TRDN: variants seen among roughly 807,000 people sequenced by gnomAD.
TRDN encodes triadin in skeletal muscle.
TRDN carries 161 observed loss-of-function variants against 149.7 expected under a neutral mutation model. The ratio of observed to expected loss-of-function variants is 1.08; its 90% CI spans 0.95 to 1.23. TRDN has a LOEUF of 1.23. Among genes scored for constraint, TRDN ranks in the 50% most tolerant of loss-of-function variants. TRDN has a pLI of 0.00. For missense variants in TRDN, 896 were observed against 823.5 expected, an observed-to-expected ratio of 1.09 and a Z score of -1.08; for synonymous variants, 294 against 250.5, an observed-to-expected ratio of 1.17 and a Z score of -1.64.
chr6:123,366,204 G>C (rs755933207), intron 19 of TRDN, 22 bp from the exon 20 acceptor site: 44 of 1,610,414 alleles, frequency 2.7e-5, no homozygotes, highest in Non-Finnish European at 3.7e-5. Flanking sequence ...GATATTAAAG[G>C]AATGAGAAGT....
In TRDN at chr6:123,273,430, A is replaced by C. The variant is rs556911205; in HGVS notation, c.1598-67T>G. 260 of 756,714 alleles carry C rather than the reference A, an allele frequency of 3.4e-4. 1 individual carries two copies. The highest frequency in any genetic ancestry group is 3.8e-4 in the Non-Finnish European group (211 of 548,418). 46.9% of individuals were successfully genotyped at this position (756,714 alleles called of 1,614,324 possible). On this transcript the variant is annotated intron_variant, in intron 27 of 40. Coordinates refer to ENST00000334268, the MANE Select transcript of TRDN (RefSeq NM_006073.4). ...AATGGAGTATTTAACAATAACAAAT[A>C]CAACTGGTTATTGTAAATAGAACTA...
intron 38 of TRDN, among the ~76,000 whole-genome samples, chr6:123,227,974 T>C (rs1469267587): frequency 6.6e-6 from 1 of 150,940 alleles, no homozygotes; most frequent in Non-Finnish European, 1.5e-5. Context: ...TGAAAGAGTG[T>C]TGAAATTTAT....
At chr6:123,236,406 T>C (rs535832265) in intron 38 of TRDN, among the ~76,000 whole-genome samples, 2 of 152,296 alleles carry the variant, frequency 1.3e-5, no homozygotes, top group Non-Finnish European at 2.9e-5. Flanking sequence ...ACAAGGCCTT[T>C]GTTGGATATG....
At chr6:123,303,348 G>C (rs1281562915) in intron 24 of TRDN, among the ~76,000 whole-genome samples, 1 of 152,104 alleles carries the variant, frequency 6.6e-6, no homozygotes, top group African/African-American at 2.4e-5. Flanking sequence ...TGTGGCTATA[G>C]TGGCTTTTGA....
At chr6:123,494,803 G>A (rs1039763677) in intron 9 of TRDN, among the ~76,000 whole-genome samples, 4 of 151,890 alleles carry the variant, frequency 2.6e-5, no homozygotes, top group Admixed American at 1.3e-4. Flanking sequence ...GCGAGATCTC[G>A]GCTCACTGCA....
chr6:123,318,321 G>C (rs934382930), intron 23 of TRDN, among the ~76,000 whole-genome samples: 33 of 151,858 alleles, frequency 2.2e-4, no homozygotes, highest in African/African-American at 7.0e-4. Context: ...CTCAAGTGCT[G>C]GTCAATTATT....
At chr6:123,440,690 G>A (rs1030116437) in intron 10 of TRDN, among the ~76,000 whole-genome samples, 8 of 152,132 alleles carry the variant, frequency 5.3e-5, no homozygotes, top group South Asian at 2.1e-4. Context: ...AGTTTCATAA[G>A]GTTGATGAAT....
intron 21 of TRDN, among the ~76,000 whole-genome samples, chr6:123,342,993 A>C (rs765184145): frequency 8.5e-5 from 13 of 152,108 alleles, no homozygotes; most frequent in Non-Finnish European, 1.9e-4. Flanking sequence ...ACTTATTGTC[A>C]AATCTTTACA....
intron 12 of TRDN, among the ~76,000 whole-genome samples, chr6:123,436,502 A>G (rs958865349): frequency 6.6e-6 from 1 of 152,078 alleles, no homozygotes; most frequent in South Asian, 2.1e-4. Context: ...CATTTATAGC[A>G]TGATGCCAGA....
chr6:123,614,163 T>C (rs1397477108), intron 1 of TRDN, among the ~76,000 whole-genome samples: 1 of 151,868 alleles, frequency 6.6e-6, no homozygotes, highest in Non-Finnish European at 1.5e-5. Flanking sequence ...GACAAGATCC[T>C]CAAGTGATTC....
intron 9 of TRDN, among the ~76,000 whole-genome samples, chr6:123,485,553 A>G (rs2185161): frequency 0.094 from 14,372 of 152,182 alleles, 946 homozygotes; most frequent in South Asian, 0.19. Context: ...TTCTAGGGAG[A>G]GAATAATAAT....
intron 12 of TRDN, among the ~76,000 whole-genome samples, chr6:123,404,462 T>A (rs1773110992): frequency 6.6e-6 from 1 of 152,170 alleles, no homozygotes; most frequent in East Asian, 1.9e-4. Context: ...ATTTTTTGTT[T>A]TTTTGTGTTT....
chr6:123,367,293 C>T (rs1042090312), intron 19 of TRDN, among the ~76,000 whole-genome samples: 1 of 151,996 alleles, frequency 6.6e-6, no homozygotes, highest in Non-Finnish European at 1.5e-5. Context: ...GGTTGTTCCC[C>T]TTGGTCATAT....
intron 10 of TRDN, 92 bp from the exon 11 acceptor site, chr6:123,439,095 T>C: frequency 1.1e-6 from 1 of 932,110 alleles, no homozygotes; most frequent in Non-Finnish European, 1.6e-6. Context: ...AAGTCAGTTC[T>C]GCCTCCAGCT....
intron 24 of TRDN, among the ~76,000 whole-genome samples, chr6:123,311,699 CA>C (rs1455446089): frequency 1.1e-4 from 16 of 151,846 alleles, no homozygotes; most frequent in Admixed American, 1.1e-3. Context: ...AGACTTTTGA[CA>C]GAGAGAATAT....
intron 19 of TRDN, 111 bp from the exon 20 acceptor site, chr6:123,366,293 C>A: frequency 2.1e-6 from 2 of 972,988 alleles, no homozygotes; most frequent in Non-Finnish European, 1.5e-6. Context: ...CACATGAGAG[C>A]AAAGCAAGCT....
rs1775260622 is a variant in TRDN at position 123,224,013 on chromosome 6, G to T, written c.2014+80C>A. 3 of 1,172,666 alleles carry T rather than the reference G, an allele frequency of 2.6e-6. No individual in the cohort carries two copies. In the East Asian group the frequency reaches 7.5e-5, roughly 29 times the overall value. The allele number at this position is 1,172,666 out of a possible 1,614,324, so 72.6% of individuals were successfully genotyped here. On this transcript the variant is annotated intron_variant, in intron 39 of 40. Transcript: ENST00000334268. Reference sequence around the variant, plus strand: ...CTTAAGACTAGATCAAGAATAGCTAGGAAAAAAAAAAAAAAGACAGACAAA... The same window carrying T: ...CTTAAGACTAGATCAAGAATAGCTATGAAAAAAAAAAAAAAGACAGACAAA...
At chr6:123,573,678 A>G (rs1445015336) in intron 1 of TRDN, among the ~76,000 whole-genome samples, 1 of 152,092 alleles carries the variant, frequency 6.6e-6, no homozygotes, top group African/African-American at 2.4e-5. Context: ...AACATACAGT[A>G]TAATTTATCC....
In TRDN at chr6:123,597,772, G is replaced by A. The variant is rs188323014; in HGVS notation, c.23-26640C>T. Among the ~76,000 whole-genome samples, 905 of 152,162 alleles carry A rather than the reference G, an allele frequency of 5.9e-3. 6 individuals carry two copies. Among genetic ancestry groups the A allele is most frequent in the Middle Eastern group, 0.01 (3 of 294 alleles). ...AGAAATAAAGTATTTTTAAATTAAAGTGTGTATATATTTTTAGACATAATG... is the reference window on the plus strand; with the variant it reads ...AGAAATAAAGTATTTTTAAATTAAAATGTGTATATATTTTTAGACATAATG... On this transcript the variant is annotated intron_variant, in intron 1 of 40. Transcript: ENST00000334268.
Sources: gnomAD v4.1 joint callset for allele counts (sites outside exome capture counted in the v4.1 genomes callset) on GRCh38, gnomAD v4.1.1 for gene constraint, MANE v1.5 for transcripts, NCBI Gene and HGNC (gene_info 2026-07-23, HGNC 2026-07-21) for gene names.